The following SHISA9 variants were observed in gnomAD, a reference collection of about 807,000 sequenced individuals.
SHISA9 encodes shisa family member 9.
SHISA9 carries 13 observed loss-of-function variants against 38.0 expected under a neutral mutation model. The observed-to-expected ratio is 0.34, with a 90% CI of 0.22 to 0.54. SHISA9 has a LOEUF of 0.54. Among genes scored for constraint, SHISA9 ranks in the 20% least tolerant of loss-of-function variants. The pLI is 0.91. For synonymous variants in SHISA9, 275 were observed against 242.0 expected (o/e 1.14, Z -1.27); for missense variants, 538 against 575.8 (o/e 0.93, Z 0.67).
chr16:13,245,429 A>T, the SHISA9 span, among the ~76,000 whole-genome samples: 1 of 152,166 alleles, frequency 6.6e-6, no homozygotes, highest in African/African-American at 2.4e-5. Context: ...CTATTTTTTT[A>T]AAATAGGGAT....
Position 13,215,069 on chromosome 16 carries a change from G to A in SHISA9, c.895+1769G>A, listed in dbSNP as rs534997531. On this transcript the variant is annotated intron_variant, in intron 4 of 4. Transcript: ENST00000558583. ...GGCTCTTGCAGGTGGGTGGTGACCTGCACTGAGGTGGGTAGAGGATGGAGA... is the reference window on the plus strand; with the variant it reads ...GGCTCTTGCAGGTGGGTGGTGACCTACACTGAGGTGGGTAGAGGATGGAGA... Among the ~76,000 whole-genome samples, 176 of 152,260 alleles carry A rather than the reference G, an allele frequency of 1.2e-3. 1 individual carries two copies. The highest frequency in any genetic ancestry group is 4.1e-3 in the African/African-American group (170 of 41,552).
In SHISA9 at chr16:13,182,152, A is replaced by G. The variant is rs561291166; in HGVS notation, c.692-21242A>G. ...AACAATAGGTTTCACCTAAGTTGCCATAGTATCTCTCATTTATCTTTGTGG... is the reference window on the plus strand; with the variant it reads ...AACAATAGGTTTCACCTAAGTTGCCGTAGTATCTCTCATTTATCTTTGTGG... On this transcript the variant is annotated intron_variant, in intron 2 of 4. Transcript: ENST00000558583. 1.4e-4 allele frequency among the ~76,000 whole-genome samples: 21 copies of G among 152,324 alleles called. No homozygotes were observed. In the East Asian group the frequency reaches 4.1e-3, roughly 29 times the overall value.
At chr16:13,531,740 G>T in the SHISA9 span, among the ~76,000 whole-genome samples, 1 of 152,176 alleles carries the variant, frequency 6.6e-6, no homozygotes, top group Admixed American at 6.5e-5. Flanking sequence ...ATCCCACCGG[G>T]ACTGAATTGC....
chr16:12,960,882 T>C (rs1238610691), intron 2 of SHISA9, among the ~76,000 whole-genome samples: 1 of 152,126 alleles, frequency 6.6e-6, no homozygotes, highest in Non-Finnish European at 1.5e-5. Context: ...CCAAGCGCTT[T>C]ATAGGCTTTG....
At chr16:13,083,892 T>C (rs1434429760) in intron 2 of SHISA9, among the ~76,000 whole-genome samples, 1 of 152,132 alleles carries the variant, frequency 6.6e-6, no homozygotes, top group Non-Finnish European at 1.5e-5. Flanking sequence ...ACCAACGGTA[T>C]CCACCACACC....
At chr16:13,050,932 A>T (rs1290150109) in intron 2 of SHISA9, among the ~76,000 whole-genome samples, 1 of 152,210 alleles carries the variant, frequency 6.6e-6, no homozygotes, top group Non-Finnish European at 1.5e-5. Context: ...AAGCAGTATA[A>T]CAGTGTGTTC....
intron 2 of SHISA9, among the ~76,000 whole-genome samples, chr16:13,053,579 A>G (rs2073277286): frequency 6.6e-6 from 1 of 152,134 alleles, no homozygotes; most frequent in Non-Finnish European, 1.5e-5. Flanking sequence ...ACTCTACCCC[A>G]TCACCTACCA....
At chr16:12,988,564 A>C (rs757893859) in intron 2 of SHISA9, among the ~76,000 whole-genome samples, 4 of 152,152 alleles carry the variant, frequency 2.6e-5, no homozygotes, top group Non-Finnish European at 5.9e-5. Context: ...TCGCTCTGTC[A>C]CCAAGGCTGG....
the SHISA9 span, among the ~76,000 whole-genome samples, chr16:13,446,705 G>A: frequency 1.3e-5 from 2 of 152,060 alleles, no homozygotes; most frequent in Admixed American, 6.6e-5. Context: ...TGCTGGGCGC[G>A]GTGGCTTACT....
intron 1 of SHISA9, among the ~76,000 whole-genome samples, chr16:12,915,952 C>T (rs955527621): frequency 4.7e-5 from 7 of 149,874 alleles, no homozygotes; most frequent in Non-Finnish European, 1.0e-4. Context: ...ATCTGTTTGA[C>T]AGCTCTCTGG....
At chr16:12,948,295 A>G (rs2071712364) in intron 2 of SHISA9, among the ~76,000 whole-genome samples, 1 of 152,196 alleles carries the variant, frequency 6.6e-6, no homozygotes, top group Non-Finnish European at 1.5e-5. Context: ...TTGAACTATT[A>G]TATGATACTG....
At chr16:13,266,072 G>GT in the SHISA9 span, among the ~76,000 whole-genome samples, 86,575 of 151,944 alleles carry the variant, frequency 0.57, 25,249 homozygotes, top group African/African-American at 0.68. Context: ...TGTTCAGTGG[G>GT]TGATTCTTAA....
the SHISA9 span, among the ~76,000 whole-genome samples, chr16:13,435,521 C>A: frequency 1.3e-5 from 2 of 152,172 alleles, no homozygotes; most frequent in Non-Finnish European, 2.9e-5. Flanking sequence ...TGGAATATGA[C>A]TGGAAAAGGC....
At chr16:13,204,269 C>T (rs1411711746) in intron 3 of SHISA9, among the ~76,000 whole-genome samples, 3 of 151,732 alleles carry the variant, frequency 2.0e-5, no homozygotes, top group African/African-American at 7.3e-5. Flanking sequence ...CTGGGTCTCT[C>T]TACCTGGGAC....
intron 2 of SHISA9, among the ~76,000 whole-genome samples, chr16:13,174,515 C>T (rs2050715036): frequency 6.6e-6 from 1 of 152,156 alleles, no homozygotes; most frequent in South Asian, 2.1e-4. Flanking sequence ...GGCAGGCAAA[C>T]TGGAGACAGA....
At chr16:12,988,558 T>G (rs1426074476) in intron 2 of SHISA9, among the ~76,000 whole-genome samples, 3 of 152,192 alleles carry the variant, frequency 2.0e-5, no homozygotes, top group Non-Finnish European at 2.9e-5. Context: ...AGCCTCTCGC[T>G]CTGTCACCAA....
intron 2 of SHISA9, among the ~76,000 whole-genome samples, chr16:12,946,023 G>T (rs1277160581): frequency 6.6e-6 from 1 of 152,220 alleles, no homozygotes; most frequent in Non-Finnish European, 1.5e-5. Context: ...CATGAGAACT[G>T]CTTGAACCTG....
chr16:13,468,034 G>T, the SHISA9 span, among the ~76,000 whole-genome samples: 1 of 152,162 alleles, frequency 6.6e-6, no homozygotes, highest in Non-Finnish European at 1.5e-5. Context: ...ACTCATCTCA[G>T]TCTTACCATT....
chr16:13,197,196 C>A (rs1208595769), intron 2 of SHISA9, among the ~76,000 whole-genome samples: 1 of 151,830 alleles, frequency 6.6e-6, no homozygotes, highest in African/African-American at 2.4e-5. Flanking sequence ...ATGAGAAGCT[C>A]TTTTCCTACT....
Sources: gnomAD v4.1 joint callset for allele counts (sites outside exome capture counted in the v4.1 genomes callset) on GRCh38, gnomAD v4.1.1 for gene constraint, MANE v1.5 for transcripts, NCBI Gene and HGNC (gene_info 2026-07-23, HGNC 2026-07-21) for gene names.